The following YTHDF1 variants were observed in gnomAD, a reference collection of about 807,000 sequenced individuals.
YTHDF1 encodes YTH domain-containing family protein 1.
A neutral mutation model predicts 49.1 loss-of-function variants in YTHDF1; 16 were observed. The observed-to-expected ratio is 0.33, with a 90% confidence interval of 0.22 to 0.49. The LOEUF (loss-of-function observed/expected upper bound fraction) is 0.49. Among genes scored for constraint, YTHDF1 ranks in the 20% least tolerant of loss-of-function variants. The pLI is 0.99. For missense variants in YTHDF1, 621 were observed against 744.3 expected (o/e 0.83, Z 1.93); for synonymous variants, 313 against 290.1 (o/e 1.08, Z -0.80).
At chr20:63,197,571 G>A (rs1266125755) in intron 4 of YTHDF1, among the ~76,000 whole-genome samples, 2 of 152,104 alleles carry the variant, frequency 1.3e-5, no homozygotes, top group African/African-American at 4.8e-5. Context: ...AGCACACGCT[G>A]CACCACTCTG....
chr20:63,213,489 C>T (rs752469664), intron 3 of YTHDF1, among the ~76,000 whole-genome samples: 23 of 152,180 alleles, frequency 1.5e-4, no homozygotes, highest in Non-Finnish European at 2.8e-4. Context: ...CACAGCCCAG[C>T]TCTTAGCTGC....
rs527757945 is a variant in YTHDF1, at chr20:63,215,616, G to A, written c.28-15C>T. ...CCTTTTGTTCTCTGCACCGCCGCAG[G>A]CCGGGACGTGGGGTACACACAACCC... On this transcript the variant is annotated splice_polypyrimidine_tract_variant and intron_variant, in intron 1 of 4. Transcript: ENST00000370339. The A allele has an allele frequency of 1.2e-6, 2 of 1,606,994 alleles. No homozygotes were observed. Among genetic ancestry groups the A allele is most frequent in the East Asian group, 2.3e-5 (1 of 43,840 alleles).
chr20:63,202,157 A>T (rs2066520249), intron 4 of YTHDF1, 130 bp downstream of exon 4: 4 of 1,289,942 alleles, frequency 3.1e-6, no homozygotes, highest in Admixed American at 2.3e-5. Flanking sequence ...ACCTGCGGCC[A>T]ACTGGGAGCT....
chr20:63,215,963 C>T lies in YTHDF1; in HGVS notation c.-71G>A. 1 of 1,195,124 alleles carries T rather than the reference C, an allele frequency of 8.4e-7. No homozygotes were observed. Among genetic ancestry groups the T allele is most frequent in the Non-Finnish European group, 1.0e-6 (1 of 962,942 alleles). 74.0% of individuals were successfully genotyped at this position (1,195,124 alleles called of 1,614,324 possible). ...GGCCTCCCCTAGAGGCCGGGCCTGTCACCCTAGCTCGCGCGGCCCCGGGCC... is the reference window on the plus strand; with the variant it reads ...GGCCTCCCCTAGAGGCCGGGCCTGTTACCCTAGCTCGCGCGGCCCCGGGCC... On this transcript the variant is annotated 5_prime_UTR_variant, in exon 1 of 5. Coordinates refer to ENST00000370339, the MANE Select transcript of YTHDF1 (RefSeq NM_017798.4).
intron 3 of YTHDF1, among the ~76,000 whole-genome samples, chr20:63,210,061 A>C (rs1447935429): frequency 6.6e-6 from 1 of 152,172 alleles, no homozygotes; most frequent in Non-Finnish European, 1.5e-5. Context: ...CTCTGGTATG[A>C]CTGGGGCAGT....
At chr20:63,199,528 A>AAC (rs1555881695) in intron 4 of YTHDF1, among the ~76,000 whole-genome samples, 2 of 151,772 alleles carry the variant, frequency 1.3e-5, no homozygotes, top group African/African-American at 4.8e-5. Flanking sequence ...TAAAAAAAAA[A>AAC]AAAACAAAAC....
intron 3 of YTHDF1, among the ~76,000 whole-genome samples, chr20:63,211,583 G>A (rs2066574439): frequency 6.6e-6 from 1 of 152,198 alleles, no homozygotes; most frequent in South Asian, 2.1e-4. Context: ...TACATATGGA[G>A]CTAAGACACC....
At chr20:63,204,618 A>G (rs1476291503) in intron 3 of YTHDF1, among the ~76,000 whole-genome samples, 1 of 152,172 alleles carries the variant, frequency 6.6e-6, no homozygotes, top group African/African-American at 2.4e-5. Flanking sequence ...CTGGATGCCA[A>G]CTCACCTGGG....
chr20:63,205,746 T>G (rs2066542901), intron 3 of YTHDF1, among the ~76,000 whole-genome samples: 1 of 152,252 alleles, frequency 6.6e-6, no homozygotes, highest in Non-Finnish European at 1.5e-5. Flanking sequence ...CAACCTCAGG[T>G]GATCCACCCG....
At chr20:63,199,249 G>GTGGC (rs1309802250) in intron 4 of YTHDF1, among the ~76,000 whole-genome samples, 6 of 152,316 alleles carry the variant, frequency 3.9e-5, no homozygotes, top group Admixed American at 3.9e-4. Flanking sequence ...GCCGGGCGCA[G>GTGGC]TGGCTCACGC....
At chr20:63,209,089 C>G (rs1406931586) in intron 3 of YTHDF1, among the ~76,000 whole-genome samples, 1 of 152,180 alleles carries the variant, frequency 6.6e-6, no homozygotes. Context: ...AGAAAAGGTA[C>G]AGTAAAAATA....
intron 4 of YTHDF1, among the ~76,000 whole-genome samples, chr20:63,200,516 A>G (rs2066512602): frequency 6.6e-6 from 1 of 152,196 alleles, no homozygotes; most frequent in Admixed American, 6.5e-5. Context: ...GTTCCTTCCA[A>G]TGATGCTCCA....
At chr20:63,214,722 C>T (rs966472409) in intron 2 of YTHDF1, among the ~76,000 whole-genome samples, 5 of 152,308 alleles carry the variant, frequency 3.3e-5, no homozygotes, top group African/African-American at 1.2e-4. Flanking sequence ...GCATTTATCT[C>T]AGTGAGCAGG....
At chr20:63,215,627 G>A (rs767500809) in intron 1 of YTHDF1, 26 bp from the exon 2 acceptor site, 9 of 1,601,742 alleles carry the variant, frequency 5.6e-6, no homozygotes, top group Non-Finnish European at 6.8e-6. Flanking sequence ...CCGGGACGTG[G>A]GGTACACACA....
intron 4 of YTHDF1, among the ~76,000 whole-genome samples, 192 bp from the exon 5 acceptor site, chr20:63,196,926 G>A (rs935379451): frequency 1.3e-5 from 2 of 152,148 alleles, no homozygotes; most frequent in African/African-American, 2.4e-5. Context: ...TGGCCACACT[G>A]GGCATGGCAT....
intron 3 of YTHDF1, among the ~76,000 whole-genome samples, chr20:63,212,601 C>T (rs1448663548): frequency 6.6e-6 from 1 of 152,208 alleles, no homozygotes; most frequent in South Asian, 2.1e-4. Flanking sequence ...AAGCCAACGG[C>T]CTGGAGGTAG....
Position 63,202,618 on chromosome 20 carries a change from T to C in YTHDF1, c.1322A>G (p.Asn441Ser), listed in dbSNP as rs372836406. 5.0e-6 allele frequency: 8 copies of C among 1,613,888 alleles called. No homozygotes were observed. Among genetic ancestry groups the C allele is most frequent in the East Asian group, 2.2e-5 (1 of 44,890 alleles). The change falls in exon 4 of 5, where the codon AAT becomes AGT. Residue 441 changes from asparagine (N) to serine (S), a missense_variant. Physicochemically the swap from Asn to Ser is conservative, Grantham distance 46. Transcript: ENST00000370339. ...KGPVYLLFSV[N>S]GSGHFCGVAE... ...CACCCCACAAAAATGCCCACTCCCATTGACGCTGAAGAGCAGGTAGACGGG... is the reference window on the plus strand; with the variant it reads ...CACCCCACAAAAATGCCCACTCCCACTGACGCTGAAGAGCAGGTAGACGGG...
chr20:63,214,778 G>A (rs555645642), intron 2 of YTHDF1, among the ~76,000 whole-genome samples: 279 of 152,290 alleles, frequency 1.8e-3, no homozygotes, highest in Middle Eastern at 3.4e-3. Context: ...TTTCCTTGTG[G>A]GCAAACTGTG....
chr20:63,215,870 G>T lies in YTHDF1; in HGVS notation c.23C>A (p.Thr8Asn). 1 of 1,454,086 alleles carries T rather than the reference G, an allele frequency of 6.9e-7. No individual in the cohort carries two copies. 90.1% of individuals were successfully genotyped at this position (1,454,086 alleles called of 1,614,324 possible). A position where few individuals can be genotyped will look rare whatever the true frequency, so the allele number is the denominator to read the frequency against. Residue 8 changes from threonine (T) to asparagine (N), a missense_variant, in exon 1 of 5, where the codon ACC becomes AAC. Thr to Asn is a moderately conservative substitution (Grantham distance 65). Transcript: ENST00000370339. ...CCTGTAACCCGGCCCCGCTACCTGGGTGTCCACGCTGGTGGCCGACATGCT... is the reference window on the plus strand; with the variant it reads ...CCTGTAACCCGGCCCCGCTACCTGGTTGTCCACGCTGGTGGCCGACATGCT... MSATSVD[T>N]QRTKGQDNKV...
Sources: gnomAD v4.1 joint callset for allele counts (sites outside exome capture counted in the v4.1 genomes callset) on GRCh38, gnomAD v4.1.1 for gene constraint, MANE v1.5 for transcripts, NCBI Gene and HGNC (gene_info 2026-07-23, HGNC 2026-07-21) for gene names.